Variants in SNTG1 observed in about 807,000 individuals in gnomAD.
SNTG1 encodes syntrophin gamma 1.
SNTG1 carries 39 observed loss-of-function variants against 74.7 expected under a neutral mutation model. The ratio of observed to expected loss-of-function variants is 0.52; its 90% confidence interval spans 0.40 to 0.68. The LOEUF is 0.68. SNTG1 is among the 30% of genes least tolerant of loss of function. SNTG1 has a pLI of 0.00. For missense variants in SNTG1, 685 were observed against 609.5 expected (o/e 1.12, Z -1.30); for synonymous variants, 254 against 217.1 (o/e 1.17, Z -1.49).
At chr8:50,785,034 A>G (rs2095670714) in intron 18 of SNTG1, among the ~76,000 whole-genome samples, 1 of 152,090 alleles carries the variant, frequency 6.6e-6, no homozygotes, top group Admixed American at 6.5e-5. Context: ...GCTAAAACAT[A>G]TGCTACGCAG....
At chr8:50,014,888 A>G (rs948786433) in intron 1 of SNTG1, among the ~76,000 whole-genome samples, 1 of 152,076 alleles carries the variant, frequency 6.6e-6, no homozygotes, top group Non-Finnish European at 1.5e-5. Context: ...AGGAATATAA[A>G]AGAAAAAACA....
At position 50,622,993 on chromosome 8, in the gene SNTG1, G is replaced by A. The variant is rs978204992; in HGVS notation, c.849+32076G>A. On this transcript the variant is annotated intron_variant, in intron 13 of 18. Transcript: ENST00000642720. ...ATTTATTTTTAATGCACAGAAATGC[G>A]ACTGACTTTTATGTATTGATTTTGT... is the stretch of plus-strand genomic sequence containing the variant. 2.6e-5 allele frequency among the ~76,000 whole-genome samples: 4 copies of A among 152,088 alleles called. No individual in the cohort carries two copies. The South Asian group carries it at 6.2e-4, about 24-fold the overall frequency.
chr8:50,510,648 G>A (rs557893905), intron 9 of SNTG1, among the ~76,000 whole-genome samples: 2 of 152,258 alleles, frequency 1.3e-5, no homozygotes, highest in Admixed American at 6.5e-5. Context: ...TCTTGGGAGG[G>A]TGTATATGTC....
At chr8:50,168,226 C>T (rs1467864219) in intron 1 of SNTG1, among the ~76,000 whole-genome samples, 1 of 151,974 alleles carries the variant, frequency 6.6e-6, no homozygotes, top group East Asian at 1.9e-4. Flanking sequence ...AATTATAATT[C>T]CTGACTATTA....
At chr8:50,012,091 TG>T (rs1169736822) in intron 1 of SNTG1, among the ~76,000 whole-genome samples, 1 of 152,042 alleles carries the variant, frequency 6.6e-6, no homozygotes, top group Non-Finnish European at 1.5e-5. Context: ...TTGGTGAAGT[TG>T]GCAAGAGATG....
chr8:50,101,092 T>A (rs2080106330), intron 1 of SNTG1, among the ~76,000 whole-genome samples: 1 of 152,276 alleles, frequency 6.6e-6, no homozygotes, highest in East Asian at 1.9e-4. Context: ...CCATCTATGT[T>A]GCTGTGAAAA....
At chr8:50,132,644 T>C (rs2081353229) in intron 1 of SNTG1, among the ~76,000 whole-genome samples, 1 of 152,162 alleles carries the variant, frequency 6.6e-6, no homozygotes, top group Non-Finnish European at 1.5e-5. Context: ...GTGGCAAAAG[T>C]CCTCACTCTC....
intron 2 of SNTG1, among the ~76,000 whole-genome samples, chr8:50,236,125 T>A (rs963382827): frequency 1.3e-5 from 2 of 152,168 alleles, no homozygotes; most frequent in African/African-American, 4.8e-5. Context: ...CAATTTTATC[T>A]GGATGGTTTT....
intron 1 of SNTG1, among the ~76,000 whole-genome samples, chr8:49,953,608 T>G (rs1230039119): frequency 6.6e-6 from 1 of 152,216 alleles, no homozygotes; most frequent in African/African-American, 2.4e-5. Flanking sequence ...TTTGATGATA[T>G]GTAAATGCAA....
chr8:50,153,403 G>T (rs898422638), intron 1 of SNTG1, among the ~76,000 whole-genome samples: 1 of 152,092 alleles, frequency 6.6e-6, no homozygotes, highest in Non-Finnish European at 1.5e-5. Flanking sequence ...CTCTCAACTC[G>T]TCAGCATCAT....
rs1464154635 is a variant in SNTG1 at position 50,438,603 on chromosome 8, G to A, written c.219+4G>A. ...AGGATTTGGATTAAGCATAAAGGTA[G>A]CCTGCCTTTCTAGTCTATCCTTACA... On this transcript the variant is annotated splice_donor_region_variant and intron_variant, in intron 5 of 18. Transcript: ENST00000642720. 1.7e-5 allele frequency: 27 copies of A among 1,612,046 alleles called. No homozygotes were observed. Among genetic ancestry groups the A allele is most frequent in the Non-Finnish European group, 2.1e-5 (25 of 1,178,746 alleles).
chr8:50,397,393 T>C (rs2092741191), intron 3 of SNTG1, among the ~76,000 whole-genome samples: 1 of 152,236 alleles, frequency 6.6e-6, no homozygotes, highest in South Asian at 2.1e-4. Flanking sequence ...GTAAAGACTT[T>C]GCAGGTGGGG....
At position 50,067,975 on chromosome 8, in the gene SNTG1, C is replaced by A. The variant is rs542087500; in HGVS notation, c.-102-104586C>A. Among the ~76,000 whole-genome samples, 15 of 152,260 alleles carry A rather than the reference C, an allele frequency of 9.9e-5. No homozygotes were observed. The South Asian group carries it at 2.7e-3, about 27-fold the overall frequency. On this transcript the variant is annotated intron_variant, in intron 1 of 18. Coordinates refer to ENST00000642720, the MANE Select transcript of SNTG1 (RefSeq NM_018967.5). ...GATTCCTCTACGTGTATTTCATCAT[C>A]TTTTCACGTCCAGGCACACCCAAAC...
intron 15 of SNTG1, among the ~76,000 whole-genome samples, chr8:50,660,437 GAAA>G (rs2095216186): frequency 4.9e-5 from 6 of 122,760 alleles, no homozygotes; most frequent in East Asian, 2.7e-4. Context: ...AAGAAAGAAA[GAAA>G]GAGAAAAAAG....
rs1432183135 is a variant in SNTG1, at chr8:49,990,766, C to G, written c.-103+78535C>G. Among the ~76,000 whole-genome samples, 4 of 152,016 alleles carry G rather than the reference C, an allele frequency of 2.6e-5. No individual in the cohort carries two copies. In the East Asian group the frequency reaches 7.7e-4, roughly 29 times the overall value. ...ACATGTAACATGATTAAGTTTGACT[C>G]CTTCCCCACATAACAAACATAACTC... On this transcript the variant is annotated intron_variant, in intron 1 of 18. Transcript: ENST00000642720.
At chr8:50,766,592 C>T (rs2095614492) in intron 18 of SNTG1, among the ~76,000 whole-genome samples, 2 of 152,000 alleles carry the variant, frequency 1.3e-5, no homozygotes, top group South Asian at 2.1e-4. Context: ...GAAAACAAAA[C>T]ATTATTTTGG....
At position 50,036,295 on chromosome 8, in the gene SNTG1, C is replaced by G. The variant is rs578122453; in HGVS notation, c.-103+124064C>G. ...ACAACTATGACGTCTCTATGCAGCT[C>G]CTGCATAGTCTTTCTGTTCTTTAAT... On this transcript the variant is annotated intron_variant, in intron 1 of 18. Coordinates refer to ENST00000642720, the MANE Select transcript of SNTG1 (RefSeq NM_018967.5). Among the ~76,000 whole-genome samples the G allele has an allele frequency of 2.6e-5, 4 of 152,244 alleles. No homozygotes were observed. In the South Asian group the frequency reaches 8.3e-4, roughly 32 times the overall value.
intron 2 of SNTG1, among the ~76,000 whole-genome samples, chr8:50,280,371 A>G (rs186019506): frequency 1.6e-4 from 24 of 152,338 alleles, no homozygotes; most frequent in African/African-American, 5.8e-4. Flanking sequence ...CATCTTTTGC[A>G]ATTTAAATGT....
intron 2 of SNTG1, among the ~76,000 whole-genome samples, chr8:50,231,475 T>C (rs62518165): frequency 0.013 from 2,024 of 151,520 alleles, 13 homozygotes; most frequent in South Asian, 0.022. Flanking sequence ...AGTGATTGAA[T>C]AAACCTAAGT....
Sources: allele counts gnomAD v4.1 joint callset (sites outside exome capture counted in the v4.1 genomes callset), GRCh38; gene constraint gnomAD v4.1.1; transcripts MANE v1.5; gene names NCBI Gene and HGNC (gene_info 2026-07-23, HGNC 2026-07-21).